The following TEX15 variants were observed in gnomAD, a reference collection of about 807,000 sequenced individuals.
TEX15 encodes the protein testis-expressed protein 15.
TEX15 carries 171 observed loss-of-function variants against 237.3 expected under a neutral mutation model. The observed-to-expected ratio is 0.72, with a 90% CI of 0.64 to 0.82. TEX15 has a LOEUF of 0.82. Among genes scored for constraint, TEX15 ranks in the 40% least tolerant of loss-of-function variants. The probability of loss-of-function intolerance (pLI) is 0.00; values close to 1 mark genes in which losing one functional copy is unlikely to be tolerated. For missense variants in TEX15, 3,750 were observed against 3,646.5 expected (o/e 1.03, Z -0.73); for synonymous variants, 1,338 against 1,269.8 (o/e 1.05, Z -1.14).
At position 30,843,538 on chromosome 8, in the gene TEX15, A is replaced by C. The variant is rs1337303821; in HGVS notation, c.6629T>G (p.Ile2210Ser). ...CAACTTTAAAGTACTTTTTCTTAAGATTTCCAGGTCTTCTAAACTATCTCC... is the reference window on the plus strand; with the variant it reads ...CAACTTTAAAGTACTTTTTCTTAAGCTTTCCAGGTCTTCTAAACTATCTCC... ...NFGDSLEDLE[I>S]LRKSTLKLIN... is the part of the protein sequence containing the mutation. The change falls in exon 8 of 11, where the codon ATC becomes AGC. Residue 2210 changes from isoleucine to serine, a missense_variant. Transcript: ENST00000643185. The C allele has an allele frequency of 6.2e-7, 1 of 1,612,986 alleles. No homozygotes were observed. The highest frequency in any genetic ancestry group is 1.3e-5 in the African/African-American group (1 of 74,884).
rs9297162 is a variant in TEX15, at chr8:30,847,870, G to T, written c.2297C>A (p.Pro766Gln). ...NYASIITEAF[P>Q]KPKDIPQAKE... The stretch of plus-strand genomic sequence containing the variant: ...GGCCTGGGGTATGTCTTTTGGTTTC[G>T]GGAAAGCTTCAGTTATAATGCTAGC... The change falls in exon 8 of 11, where the codon CCG (proline) becomes CAG (glutamine). Residue 766 changes from proline to glutamine, a missense_variant. By Grantham distance (76) the Pro-to-Gln change is moderately conservative. Coordinates refer to ENST00000643185, the MANE Select transcript of TEX15 (RefSeq NM_001350162.2). 11 of 1,613,598 alleles carry T rather than the reference G, an allele frequency of 6.8e-6. No homozygotes were observed. The highest frequency in any genetic ancestry group is 9.3e-6 in the Non-Finnish European group (11 of 1,179,910).
chr8:30,871,048 T>A (rs1808281290), intron 4 of TEX15, among the ~76,000 whole-genome samples: 1 of 152,140 alleles, frequency 6.6e-6, no homozygotes, highest in East Asian at 1.9e-4. Flanking sequence ...AAAGGCAAGC[T>A]GAGTCCCCCT....
intron 2 of TEX15, among the ~76,000 whole-genome samples, chr8:30,889,827 C>T (rs1383758020): frequency 6.6e-6 from 1 of 150,784 alleles, no homozygotes; most frequent in East Asian, 1.9e-4. Flanking sequence ...TCTTTATGCT[C>T]ATGCAACACA....
chr8:30,878,527 G>A (rs1237318077), intron 3 of TEX15, among the ~76,000 whole-genome samples: 1 of 152,026 alleles, frequency 6.6e-6, no homozygotes, highest in Non-Finnish European at 1.5e-5. Flanking sequence ...AGGATTACAG[G>A]CATGCGCCAC....
Position 30,846,618 on chromosome 8 carries a change from T to A in TEX15, c.3549A>T (p.Thr1183=), listed in dbSNP as rs879557844. 1.2e-6 allele frequency: 2 copies of A among 1,613,896 alleles called. No homozygotes were observed. The highest frequency in any genetic ancestry group is 8.5e-7 in the Non-Finnish European group (1 of 1,179,816). ...DSLALKDSFC[T]HVTEATKPEI... ...CCGGTTTTGTGGCTTCAGTTACATG[T>A]GTGCAAAAACTATCTTTCAATGCAA... The change falls in exon 8 of 11, where the codon ACA becomes ACT. Residue 1183 remains threonine (T), a synonymous_variant. Transcript: ENST00000643185.
chr8:30,837,259 T>C lies in TEX15; in HGVS notation c.9025A>G (p.Met3009Val), dbSNP rs769271007. 6.8e-6 allele frequency: 11 copies of C among 1,614,192 alleles called. No homozygotes were observed. The Admixed American group carries it at 8.3e-5, about 12-fold the overall frequency. ...QQNDKNSKVL[M>V]QNAATYWNEL... ...TTCCAATATGTGGCAGCATTCTGCA[T>C]TAGGACTTTTGAATTTTTGTCATTC... Residue 3009 changes from methionine to valine, a missense_variant, in exon 10 of 11, where the codon ATG (methionine) becomes GTG (valine). Coordinates refer to ENST00000643185, the MANE Select transcript of TEX15 (RefSeq NM_001350162.2).
intron 3 of TEX15, among the ~76,000 whole-genome samples, chr8:30,877,366 T>C (rs573902416): frequency 7.6e-4 from 116 of 152,194 alleles, no homozygotes; most frequent in Non-Finnish European, 3.7e-4. Context: ...ATATAGAAGG[T>C]TTAAGGCAAC....
At chr8:30,865,417 CA>C (rs1427461641) in intron 5 of TEX15, among the ~76,000 whole-genome samples, 1 of 151,998 alleles carries the variant, frequency 6.6e-6, no homozygotes, top group Non-Finnish European at 1.5e-5. Context: ...TCAAACTATT[CA>C]AAAAAATTGA....
chr8:30,852,094 T>A (rs1283684977), intron 7 of TEX15, among the ~76,000 whole-genome samples: 1 of 147,500 alleles, frequency 6.8e-6, no homozygotes, highest in Non-Finnish European at 1.5e-5. Context: ...TGTACATTAA[T>A]TTAATCTTTT....
intron 2 of TEX15, among the ~76,000 whole-genome samples, chr8:30,891,182 T>A (rs886486736): frequency 6.6e-6 from 1 of 152,136 alleles, no homozygotes; most frequent in Non-Finnish European, 1.5e-5. Flanking sequence ...TGGTTTGTCC[T>A]CATTGCACTG....
chr8:30,907,371 T>C (rs1809124023), intron 1 of TEX15, among the ~76,000 whole-genome samples: 1 of 151,342 alleles, frequency 6.6e-6, no homozygotes, highest in Non-Finnish European at 1.5e-5. Flanking sequence ...GCTCAAGCAA[T>C]CTTTCCACCT....
intron 3 of TEX15, among the ~76,000 whole-genome samples, chr8:30,877,676 C>T (rs78555571): frequency 4.7e-4 from 72 of 152,208 alleles, no homozygotes; most frequent in African/African-American, 1.6e-3. Context: ...TCTAGATTCA[C>T]AGGAAGTTGC....
Position 30,842,641 on chromosome 8 carries a change from T to C in TEX15, c.7526A>G (p.Lys2509Arg). 2 of 1,612,112 alleles carry C rather than the reference T, an allele frequency of 1.2e-6. No individual in the cohort carries two copies. Among genetic ancestry groups the C allele is most frequent in the Non-Finnish European group, 1.7e-6 (2 of 1,179,832 alleles). Reference sequence around the variant, plus strand: ...TTCGGAAACAGCAGTCTCTATCACTTTCCAAAGGCAAACATCTGTTGAGTT... The same window carrying C: ...TTCGGAAACAGCAGTCTCTATCACTCTCCAAAGGCAAACATCTGTTGAGTT... The part of the protein sequence containing the change: ...KDNSTDVCLW[K>R]VIETAVSELK... The change falls in exon 8 of 11, where the codon AAA becomes AGA. Residue 2509 changes from lysine (K) to arginine (R), a missense_variant. Coordinates refer to ENST00000643185, the MANE Select transcript of TEX15 (RefSeq NM_001350162.2).
Position 30,910,828 on chromosome 8 carries a change from T to C in TEX15, c.-86+2051A>G, listed in dbSNP as rs1027801437. 4.6e-5 allele frequency among the ~76,000 whole-genome samples: 7 copies of C among 151,856 alleles called. No homozygotes were observed. The South Asian group carries it at 8.3e-4, about 18-fold the overall frequency. ...CCCTCAAATTTTGACATCTTTATGATTAGGTAGGGTTCAGATTTTAAAATA... is the reference window on the plus strand; with the variant it reads ...CCCTCAAATTTTGACATCTTTATGACTAGGTAGGGTTCAGATTTTAAAATA... On this transcript the variant is annotated intron_variant, in intron 1 of 10. Coordinates refer to ENST00000643185, the MANE Select transcript of TEX15 (RefSeq NM_001350162.2).
chr8:30,881,960 A>G (rs925579272), intron 3 of TEX15, among the ~76,000 whole-genome samples: 2 of 152,104 alleles, frequency 1.3e-5, no homozygotes, highest in African/African-American at 4.8e-5. Context: ...GAAGCTTAAG[A>G]TTATTGATCT....
At chr8:30,840,666 T>C (rs949842834) in intron 8 of TEX15, among the ~76,000 whole-genome samples, 4 of 152,216 alleles carry the variant, frequency 2.6e-5, no homozygotes, top group African/African-American at 4.8e-5. Flanking sequence ...GTAAGTAGTA[T>C]TGTATACAGT....
At chr8:30,854,450 A>C (rs1202852151) in intron 7 of TEX15, among the ~76,000 whole-genome samples, 1 of 152,142 alleles carries the variant, frequency 6.6e-6, no homozygotes, top group Non-Finnish European at 1.5e-5. Flanking sequence ...AAGAAGAAAC[A>C]GAAAATAAGA....
In TEX15 at chr8:30,858,712, A is replaced by C; in HGVS notation, c.806T>G (p.Met269Arg). The change falls in exon 7 of 11, where the codon ATG becomes AGG. Residue 269 changes from methionine to arginine, a missense_variant. Coordinates refer to ENST00000643185, the MANE Select transcript of TEX15 (RefSeq NM_001350162.2). ...LGSKVDNGRLMTSLRFLSTGF... is the reference protein window; with the variant it reads ...LGSKVDNGRLRTSLRFLSTGF... Reference sequence around the variant, plus strand: ...TGTTGAGAGGAATCTCAAAGATGTCATAAGGCGTCCATTATCTACTTTTGA... The same window carrying C: ...TGTTGAGAGGAATCTCAAAGATGTCCTAAGGCGTCCATTATCTACTTTTGA... 8 of 1,535,920 alleles carry C rather than the reference A, an allele frequency of 5.2e-6. No homozygotes were observed. Among genetic ancestry groups the C allele is most frequent in the Non-Finnish European group, 6.1e-6 (7 of 1,146,746 alleles).
intron 3 of TEX15, among the ~76,000 whole-genome samples, chr8:30,884,914 G>A (rs964618756): frequency 1.3e-5 from 2 of 151,852 alleles, no homozygotes; most frequent in Admixed American, 1.3e-4. Flanking sequence ...AGGTGTAAAC[G>A]TAAATTACTG....
Sources: allele counts gnomAD v4.1 joint callset (sites outside exome capture counted in the v4.1 genomes callset), GRCh38; gene constraint gnomAD v4.1.1; transcripts MANE v1.5; gene names NCBI Gene and HGNC (gene_info 2026-07-23, HGNC 2026-07-21).